Variants in KIF2A observed in about 807,000 individuals in gnomAD.
The protein encoded by KIF2A is kinesin-like protein KIF2A.
KIF2A carries 22 observed loss-of-function variants against 100.2 expected under a neutral mutation model. The ratio of observed to expected loss-of-function variants is 0.22; its 90% CI spans 0.16 to 0.31. KIF2A has a LOEUF of 0.31. Among genes scored for constraint, KIF2A ranks in the 10% least tolerant of loss-of-function variants. The pLI, the probability that KIF2A is intolerant of heterozygous loss-of-function variation, is 1.00. For missense variants in KIF2A, 495 were observed against 898.7 expected, an observed-to-expected ratio of 0.55 and a Z score of 5.74; for synonymous variants, 268 against 285.9, an observed-to-expected ratio of 0.94 and a Z score of 0.63.
At chr5:62,334,745 G>A (rs764927369) in intron 1 of KIF2A, among the ~76,000 whole-genome samples, 5 of 152,090 alleles carry the variant, frequency 3.3e-5, no homozygotes, top group East Asian at 1.9e-4. Context: ...GTCTTCCATC[G>A]TTCAGGGTGT....
rs555233790 is a variant in KIF2A, at chr5:62,319,802, C to T, written c.64+13266C>T. On this transcript the variant is annotated intron_variant, in intron 1 of 20. Transcript: ENST00000407818. ...TGTGTGTCACTGTTTTTAATGTATA[C>T]TTGTAATTTTCTCTTTAAGTTTAAT... 2.0e-5 allele frequency among the ~76,000 whole-genome samples: 3 copies of T among 152,124 alleles called. No homozygotes were observed. The East Asian group carries it at 5.8e-4, about 29-fold the overall frequency.
At chr5:62,323,192 G>A (rs1746191512) in intron 1 of KIF2A, among the ~76,000 whole-genome samples, 1 of 150,636 alleles carries the variant, frequency 6.6e-6, no homozygotes, top group Non-Finnish European at 1.5e-5. Context: ...TGAGGTGGAG[G>A]TTGCCGTGAG....
At chr5:62,358,366 T>C (rs1748217981) in intron 9 of KIF2A, 67 bp downstream of exon 9, 2 of 1,015,138 alleles carry the variant, frequency 2.0e-6, no homozygotes, top group Non-Finnish European at 2.8e-6. Context: ...CCTTGAAATT[T>C]ACATTGATTG....
intron 2 of KIF2A, among the ~76,000 whole-genome samples, chr5:62,347,735 C>G (rs1309671380): frequency 6.6e-6 from 1 of 151,938 alleles, no homozygotes; most frequent in Non-Finnish European, 1.5e-5. Context: ...AAGTGACCCT[C>G]CCACCTGTCT....
At chr5:62,375,410 G>T (rs971262203) in intron 18 of KIF2A, among the ~76,000 whole-genome samples, 6 of 152,176 alleles carry the variant, frequency 3.9e-5, no homozygotes, top group Non-Finnish European at 8.8e-5. Context: ...ACAACTCATT[G>T]TAGTGGGTAC....
intron 1 of KIF2A, among the ~76,000 whole-genome samples, chr5:62,307,960 A>C (rs1745395084): frequency 2.0e-5 from 3 of 152,146 alleles, no homozygotes; most frequent in African/African-American, 7.2e-5. Flanking sequence ...CCTTTAGCCT[A>C]GCCTAGTCAG....
rs573426866 is a variant in KIF2A, at chr5:62,355,108, A to T, written c.559-51A>T. The T allele has an allele frequency of 2.0e-3, 1,683 of 841,328 alleles. 43 individuals are homozygous for T. In the South Asian group the frequency reaches 0.026, roughly 13 times the overall value. 52.1% of individuals were successfully genotyped at this position (841,328 alleles called of 1,614,324 possible). ...AATTTTCAAACCAAATATAAATGTA[A>T]CAAATACATTATTATATTTATAATG... On this transcript the variant is annotated intron_variant, in intron 6 of 20. Transcript: ENST00000407818.
Position 62,317,037 on chromosome 5 carries a change from A to G in KIF2A, c.64+10501A>G, listed in dbSNP as rs535869823. ...TATAGTAAAAAGGATTCACATATGT[A>G]TGGCAACTTTAGCCCTTTTTTTTTT... On this transcript the variant is annotated intron_variant, in intron 1 of 20. Coordinates refer to ENST00000407818, the MANE Select transcript of KIF2A (RefSeq NM_001098511.3). Among the ~76,000 whole-genome samples the G allele has an allele frequency of 3.3e-5, 5 of 150,766 alleles. No homozygotes were observed. The East Asian group carries it at 5.8e-4, about 18-fold the overall frequency.
chr5:62,375,459 T>C (rs1261255644), intron 18 of KIF2A, among the ~76,000 whole-genome samples: 1 of 152,232 alleles, frequency 6.6e-6, no homozygotes, highest in East Asian at 1.9e-4. Context: ...TTCTGAGGTT[T>C]AAATAATTTG....
intron 15 of KIF2A, among the ~76,000 whole-genome samples, chr5:62,365,627 G>A (rs947373527): frequency 2.0e-5 from 3 of 151,296 alleles, no homozygotes; most frequent in Non-Finnish European, 2.9e-5. Flanking sequence ...TTTGAGTATA[G>A]GTCACACTTT....
intron 1 of KIF2A, chr5:62,308,453 C>A: frequency 3.3e-6 from 3 of 917,328 alleles, no homozygotes; most frequent in South Asian, 1.4e-5. Context: ...CTCTCGCGTT[C>A]ATTGCAGCAT....
intron 20 of KIF2A, among the ~76,000 whole-genome samples, chr5:62,381,675 CCA>C (rs1413363374): frequency 6.6e-6 from 1 of 152,214 alleles, no homozygotes; most frequent in Non-Finnish European, 1.5e-5. Flanking sequence ...AGCAGTCCTC[CCA>C]CCTCAGTCTC....
intron 1 of KIF2A, among the ~76,000 whole-genome samples, chr5:62,334,084 C>A (rs1463984151): frequency 6.6e-6 from 1 of 152,100 alleles, no homozygotes; most frequent in Non-Finnish European, 1.5e-5. Flanking sequence ...ATGTTCCTGT[C>A]CTCCCACCTG....
chr5:62,342,490 G>A (rs1008255768), intron 1 of KIF2A, among the ~76,000 whole-genome samples: 2 of 152,206 alleles, frequency 1.3e-5, no homozygotes, highest in Non-Finnish European at 2.9e-5. Flanking sequence ...TAGGTTTGGG[G>A]TTGAGAACTT....
At chr5:62,310,123 C>T (rs188725500) in intron 1 of KIF2A, among the ~76,000 whole-genome samples, 99 of 147,484 alleles carry the variant, frequency 6.7e-4, no homozygotes, top group East Asian at 5.5e-3. Context: ...GTGCGATCTC[C>T]GCTCACTACA....
chr5:62,385,342 T>C, intron 20 of KIF2A, 142 bp from the exon 21 acceptor site: 1 of 581,342 alleles, frequency 1.7e-6, no homozygotes, highest in Non-Finnish European at 3.0e-6. Context: ...TAGTTCCGAG[T>C]TTCTAGACAA....
In KIF2A at chr5:62,388,920, T is replaced by C. The variant is rs950340459; in HGVS notation, c.*3351T>C. 7 of 1,198,156 alleles carry C rather than the reference T, an allele frequency of 5.8e-6. No individual in the cohort carries two copies. Among genetic ancestry groups the C allele is most frequent in the African/African-American group, 3.1e-5 (2 of 65,016 alleles). The allele number at this position is 1,198,156 out of a possible 1,614,324, so 74.2% of individuals were successfully genotyped here. ...CAAAAATAGTCAAGTAAATAATGTC[T>C]CAGTAAAGCAAAAGCATTATCTTCT... On this transcript the variant is annotated 3_prime_UTR_variant, in exon 21 of 21. Transcript: ENST00000407818.
chr5:62,314,245 T>C (rs532535987), intron 1 of KIF2A, among the ~76,000 whole-genome samples: 1 of 152,154 alleles, frequency 6.6e-6, no homozygotes, highest in South Asian at 2.1e-4. Context: ...GGCAGGAGGA[T>C]TGCTTGAAGC....
At chr5:62,327,725 GT>G (rs993495399) in intron 1 of KIF2A, among the ~76,000 whole-genome samples, 3 of 152,188 alleles carry the variant, frequency 2.0e-5, no homozygotes, top group Admixed American at 1.3e-4. Flanking sequence ...GCTTAGAAGA[GT>G]GATCATTTAT....
Sources: allele counts gnomAD v4.1 joint callset (sites outside exome capture counted in the v4.1 genomes callset), GRCh38; gene constraint gnomAD v4.1.1; transcripts MANE v1.5; gene names NCBI Gene and HGNC (gene_info 2026-07-23, HGNC 2026-07-21).